PPARGC1A: variants seen among roughly 807,000 people sequenced by gnomAD.
The protein encoded by PPARGC1A is PPARG coactivator 1 alpha.
PPARGC1A carries 25 observed loss-of-function variants against 88.7 expected under a neutral mutation model. The observed-to-expected ratio is 0.28, with a 90% CI of 0.21 to 0.39. PPARGC1A has a LOEUF of 0.39. PPARGC1A is among the 10% of genes least tolerant of loss of function. The pLI is 1.00. For missense variants in PPARGC1A, 880 were observed against 968.7 expected (o/e 0.91, Z 1.22); for synonymous variants, 363 against 355.6 (o/e 1.02, Z -0.24).
Position 23,793,176 on chromosome 4 carries a change from CTTT to C in PPARGC1A, c.*2643_*2645del, listed in dbSNP as rs1716945298. ...AAAATAATTTATTGCTCTTAATAGTCTTTTTATTATTATTCTACAACAGAAGAT... is the reference window on the plus strand; with the variant it reads ...AAAATAATTTATTGCTCTTAATAGTCTTATTATTATTCTACAACAGAAGAT... On this transcript the variant is annotated 3_prime_UTR_variant, in exon 13 of 13. Coordinates refer to ENST00000264867, the MANE Select transcript of PPARGC1A (RefSeq NM_013261.5). The C allele has an allele frequency of 2.0e-5, 3 of 152,430 alleles. No individual in the cohort carries two copies. Among genetic ancestry groups the C allele is most frequent in the Admixed American group, 2.0e-4 (3 of 15,254 alleles). 9.4% of individuals were successfully genotyped at this position (152,430 alleles called of 1,614,324 possible). A position where few individuals can be genotyped will look rare whatever the true frequency, so the allele number is the denominator to read the frequency against.
intron 2 of PPARGC1A, among the ~76,000 whole-genome samples, chr4:23,870,725 A>T (rs1276182100): frequency 6.6e-6 from 1 of 152,194 alleles, no homozygotes; most frequent in East Asian, 1.9e-4. Flanking sequence ...TCTCAGAGAC[A>T]TTTTAAAAAC....
chr4:24,141,091 G>T, the PPARGC1A span, among the ~76,000 whole-genome samples: 9 of 152,206 alleles, frequency 5.9e-5, no homozygotes, highest in East Asian at 3.9e-4. Context: ...GGAAGATGCT[G>T]AGTCAGGATC....
At chr4:24,067,408 C>T in the PPARGC1A span, among the ~76,000 whole-genome samples, 7 of 152,154 alleles carry the variant, frequency 4.6e-5, no homozygotes, top group Admixed American at 1.3e-4. Flanking sequence ...CATCAAAATG[C>T]CCCCAAAGGG....
the PPARGC1A span, among the ~76,000 whole-genome samples, chr4:24,278,848 C>T: frequency 4.6e-5 from 7 of 152,194 alleles, no homozygotes; most frequent in African/African-American, 1.7e-4. Context: ...TCAAACCACA[C>T]AGCTGAACCT....
the PPARGC1A span, among the ~76,000 whole-genome samples, chr4:24,470,324 A>ACT: frequency 8.7e-3 from 935 of 107,826 alleles, 8 homozygotes; most frequent in Admixed American, 0.011. This position sits in a 1 kb window ranked among gnomAD's most constrained non-coding sequence, Gnocchi z 5.8. Context: ...ACACACACAC[A>ACT]CTCTCTCACA....
the PPARGC1A span, among the ~76,000 whole-genome samples, chr4:24,385,045 G>C: frequency 6.6e-6 from 1 of 152,136 alleles, no homozygotes; most frequent in African/African-American, 2.4e-5. Flanking sequence ...CAGTCTCTCA[G>C]ACCACAGTGC....
intron 2 of PPARGC1A, among the ~76,000 whole-genome samples, chr4:23,839,224 T>C (rs1347734343): frequency 6.6e-6 from 1 of 152,206 alleles, no homozygotes; most frequent in African/African-American, 2.4e-5. Context: ...AAATTCAGTA[T>C]TCTGTAGAGG....
chr4:24,213,388 G>A, the PPARGC1A span, among the ~76,000 whole-genome samples: 2 of 151,922 alleles, frequency 1.3e-5, no homozygotes, highest in South Asian at 2.1e-4. Context: ...GAATAGTCTC[G>A]ATCTCCTGAC....
At chr4:23,913,166 A>G in the PPARGC1A span, among the ~76,000 whole-genome samples, 1 of 144,064 alleles carries the variant, frequency 6.9e-6, no homozygotes, top group Non-Finnish European at 1.5e-5. Flanking sequence ...CTCTCAACTG[A>G]TATATGATAT....
the PPARGC1A span, among the ~76,000 whole-genome samples, chr4:24,402,789 G>A: frequency 1.8e-4 from 28 of 152,308 alleles, no homozygotes; most frequent in African/African-American, 6.0e-4. Context: ...AGCACCTTGA[G>A]GCTGCCCACA....
chr4:23,947,744 C>T, the PPARGC1A span, among the ~76,000 whole-genome samples: 1 of 152,120 alleles, frequency 6.6e-6, no homozygotes, highest in Non-Finnish European at 1.5e-5. Context: ...AGGTTCCTGG[C>T]TTTGTCCATT....
chr4:23,919,985 G>A, the PPARGC1A span, among the ~76,000 whole-genome samples: 32 of 152,308 alleles, frequency 2.1e-4, 2 homozygotes, highest in South Asian at 6.6e-3. Context: ...AATCACCAGT[G>A]TCGAGTGAGA....
At chr4:24,088,660 G>C in the PPARGC1A span, among the ~76,000 whole-genome samples, 1 of 152,078 alleles carries the variant, frequency 6.6e-6, no homozygotes, top group East Asian at 1.9e-4. Flanking sequence ...ATAGAGTAAG[G>C]GTTAAAAAAA....
chr4:24,358,337 T>C, the PPARGC1A span, among the ~76,000 whole-genome samples: 1 of 152,360 alleles, frequency 6.6e-6, no homozygotes, highest in Non-Finnish European at 1.5e-5. Flanking sequence ...GTACTATCAC[T>C]ATCTCCATTT....
At chr4:23,893,846 A>G (rs1359874583), upstream of PPARGC1A, among the ~76,000 whole-genome samples, 1 of 152,180 alleles carries the variant, frequency 6.6e-6, no homozygotes, top group African/African-American at 2.4e-5. Context: ...AAACTTCTCA[A>G]GAAAGAAAGG....
chr4:24,164,454 G>A, the PPARGC1A span, among the ~76,000 whole-genome samples: 1,239 of 152,196 alleles, frequency 8.1e-3, 11 homozygotes, highest in Middle Eastern at 0.014. Flanking sequence ...TTATTCCACC[G>A]GGTTGCCCAG....
At chr4:23,943,563 C>T in the PPARGC1A span, among the ~76,000 whole-genome samples, 27 of 152,142 alleles carry the variant, frequency 1.8e-4, no homozygotes, top group South Asian at 5.0e-3. Context: ...TTGGGTGAAT[C>T]GGTTGTGGAA....
At chr4:24,377,337 A>G in the PPARGC1A span, among the ~76,000 whole-genome samples, 1 of 152,254 alleles carries the variant, frequency 6.6e-6, no homozygotes, top group Non-Finnish European at 1.5e-5. Flanking sequence ...GTGCCCAGAA[A>G]TAGGCACAAG....
chr4:24,350,758 G>C, the PPARGC1A span, among the ~76,000 whole-genome samples: 7 of 152,154 alleles, frequency 4.6e-5, no homozygotes, highest in Admixed American at 4.6e-4. Context: ...GCAGAACATG[G>C]AGAGGGTAAA....
Sources: allele counts gnomAD v4.1 joint callset (sites outside exome capture counted in the v4.1 genomes callset), GRCh38; gene constraint gnomAD v4.1.1; non-coding constraint Gnocchi (gnomAD v3.1); transcripts MANE v1.5; gene names NCBI Gene and HGNC (gene_info 2026-07-23, HGNC 2026-07-21).